Variants in FANCA observed in about 807,000 individuals in gnomAD.
FANCA encodes FA complementation group A, also known as Fanconi anemia group A protein.
A neutral mutation model predicts 194.3 loss-of-function variants in FANCA; 236 were observed. That is an observed-to-expected ratio of 1.21 (90% confidence interval 1.09 to 1.35). FANCA has a LOEUF of 1.35. Ranked by LOEUF, FANCA falls within the 40% of genes most tolerant of loss-of-function variation. The probability of loss-of-function intolerance (pLI) is 0.00; values close to 1 mark genes in which losing one functional copy is unlikely to be tolerated. For synonymous variants in FANCA, 1,014 were observed against 715.8 expected (o/e 1.42, Z -6.65); for missense variants, 2,628 against 1,813.9 (o/e 1.45, Z -8.15).
chr16:89,774,869 G>T (rs942756826), intron 21 of FANCA, among the ~76,000 whole-genome samples: 1 of 151,852 alleles, frequency 6.6e-6, no homozygotes, highest in South Asian at 2.1e-4. Flanking sequence ...CGAGGCAGGC[G>T]GATCAGTTGA....
At chr16:89,776,358 G>A (rs1433809686) in intron 20 of FANCA, among the ~76,000 whole-genome samples, 1 of 150,692 alleles carries the variant, frequency 6.6e-6, no homozygotes, top group Non-Finnish European at 1.5e-5. Flanking sequence ...TAGTAGAGAC[G>A]GAGTTTCACC....
At chr16:89,749,455 G>C (rs536657289) in intron 32 of FANCA, among the ~76,000 whole-genome samples, 2 of 152,296 alleles carry the variant, frequency 1.3e-5, no homozygotes, top group East Asian at 1.9e-4. Flanking sequence ...TCAAACTCCT[G>C]ACCTCAGGTG....
intron 22 of FANCA, 132 bp from the exon 23 acceptor site, chr16:89,771,946 G>T: frequency 9.4e-7 from 1 of 1,068,632 alleles, no homozygotes; most frequent in Non-Finnish European, 1.4e-6. Context: ...CCCCAGCCAG[G>T]TGCTGAACAC....
At chr16:89,738,846 C>A (rs757777876) in intron 42 of FANCA, 36 bp downstream of exon 42, 5 of 1,614,192 alleles carry the variant, frequency 3.1e-6, no homozygotes, top group South Asian at 1.1e-5. Context: ...ATTCTCATGT[C>A]CCCCACATGG....
chr16:89,740,944 C>G, intron 37 of FANCA, 78 bp from the exon 38 acceptor site: 2 of 1,333,468 alleles, frequency 1.5e-6, no homozygotes, highest in Non-Finnish European at 1.1e-6. Context: ...ACACATTCCT[C>G]TTTAATTGAA....
intron 14 of FANCA, among the ~76,000 whole-genome samples, chr16:89,785,924 G>A (rs1002074802): frequency 2.2e-4 from 30 of 137,094 alleles, no homozygotes; most frequent in African/African-American, 7.9e-4. Flanking sequence ...GTGCCATCTT[G>A]GCTCACTGCA....
At chr16:89,800,143 G>A (rs894073971) in intron 8 of FANCA, among the ~76,000 whole-genome samples, 2 of 152,252 alleles carry the variant, frequency 1.3e-5, no homozygotes, top group Non-Finnish European at 2.9e-5. Flanking sequence ...AGCATGGCCT[G>A]AGGCCATGAG....
chr16:89,742,362 G>A (rs556377771), intron 37 of FANCA, among the ~76,000 whole-genome samples: 17 of 151,986 alleles, frequency 1.1e-4, no homozygotes, highest in African/African-American at 3.9e-4. Flanking sequence ...AGAGGCTGAG[G>A]TAAGAGGATG....
At chr16:89,803,200 A>T in intron 8 of FANCA, 59 bp downstream of exon 8, 4 of 1,493,974 alleles carry the variant, frequency 2.7e-6, no homozygotes, top group Non-Finnish European at 3.7e-6. Flanking sequence ...AATACATTTC[A>T]ACACTTGGAA....
intron 6 of FANCA, among the ~76,000 whole-genome samples, 197 bp from the exon 7 acceptor site, chr16:89,805,589 G>A (rs1214368958): frequency 1.3e-5 from 2 of 152,054 alleles, no homozygotes; most frequent in African/African-American, 4.8e-5. Flanking sequence ...CTCCTGAGTA[G>A]TTGGGACAAC....
intron 11 of FANCA, among the ~76,000 whole-genome samples, chr16:89,792,944 A>G (rs1053695218): frequency 1.3e-5 from 2 of 152,216 alleles, no homozygotes; most frequent in South Asian, 2.1e-4. Flanking sequence ...TTATTTCTGC[A>G]TATCAGAGAC....
At chr16:89,770,676 G>A (rs748386118) in intron 23 of FANCA, 42 bp from the exon 24 acceptor site, 24 of 1,532,294 alleles carry the variant, frequency 1.6e-5, no homozygotes, top group East Asian at 1.2e-4. Context: ...TCCTGGGGAC[G>A]GGAGCAGCAG....
At chr16:89,805,514 T>C (rs2040608466) in intron 6 of FANCA, 122 bp from the exon 7 acceptor site, 8 of 704,390 alleles carry the variant, frequency 1.1e-5, no homozygotes, top group Non-Finnish European at 2.1e-5. Flanking sequence ...GAGGCTGGAG[T>C]GCAGTGGCGC....
At chr16:89,761,219 A>C (rs57563600) in intron 29 of FANCA, among the ~76,000 whole-genome samples, 5 of 152,174 alleles carry the variant, frequency 3.3e-5, no homozygotes, top group Non-Finnish European at 5.9e-5. Flanking sequence ...GGAGATTGAG[A>C]CCACCCTGGT....
At chr16:89,799,258 A>C (rs201595304) in intron 9 of FANCA, 26 bp from the exon 10 acceptor site, 1 of 1,613,516 alleles carries the variant, frequency 6.2e-7, no homozygotes, top group Non-Finnish European at 8.5e-7. Context: ...GGAACAGAAA[A>C]CAGATGTCAG....
intron 12 of FANCA, 22 bp downstream of exon 12, chr16:89,792,449 G>T (rs757003294): frequency 2.2e-5 from 36 of 1,610,170 alleles, no homozygotes; most frequent in Non-Finnish European, 3.0e-5. Flanking sequence ...TCAGAAGCAG[G>T]TATAATACCA....
chr16:89,785,239 T>G (rs2039858179), intron 14 of FANCA, among the ~76,000 whole-genome samples: 2 of 152,224 alleles, frequency 1.3e-5, no homozygotes, highest in Non-Finnish European at 2.9e-5. Context: ...GCGCTTTGAC[T>G]GAAGAGATAT....
chr16:89,757,739 C>G (rs922011983), intron 30 of FANCA, among the ~76,000 whole-genome samples: 1 of 152,224 alleles, frequency 6.6e-6, no homozygotes, highest in African/African-American at 2.4e-5. Context: ...TGCAACACCT[C>G]AGGAACTGCT....
intron 11 of FANCA, 109 bp downstream of exon 11, chr16:89,795,797 A>T: frequency 1.2e-6 from 1 of 801,408 alleles, no homozygotes; most frequent in Non-Finnish European, 2.2e-6. Flanking sequence ...AGACAGACGT[A>T]AAAGAGGTCC....
Sources: gnomAD v4.1 joint callset for allele counts (sites outside exome capture counted in the v4.1 genomes callset) on GRCh38, gnomAD v4.1.1 for gene constraint, MANE v1.5 for transcripts, NCBI Gene and HGNC (gene_info 2026-07-23, HGNC 2026-07-21) for gene names.